The following WDR70 variants were observed in gnomAD, a reference collection of about 807,000 sequenced individuals.
The protein encoded by WDR70 is WD repeat domain 70.
Under a neutral mutation model 88.6 loss-of-function variants are expected in WDR70, and 53 were observed. The ratio of observed to expected loss-of-function variants is 0.60; its 90% CI spans 0.48 to 0.75. The LOEUF is 0.75. Ranked by LOEUF, WDR70 falls within the 30% of genes least tolerant of loss-of-function variation. The pLI is 0.00. For missense variants in WDR70, 610 were observed against 823.2 expected, an observed-to-expected ratio of 0.74 and a Z score of 3.17; for synonymous variants, 280 against 270.0, an observed-to-expected ratio of 1.04 and a Z score of -0.36.
chr5:37,618,404 A>C (rs1179063214), intron 10 of WDR70, among the ~76,000 whole-genome samples: 1 of 152,132 alleles, frequency 6.6e-6, no homozygotes, highest in East Asian at 1.9e-4. Flanking sequence ...AGACCTGCTC[A>C]GTTGCCCAGG....
chr5:37,452,202 C>A (rs1252473088), intron 7 of WDR70, among the ~76,000 whole-genome samples: 4 of 151,810 alleles, frequency 2.6e-5, no homozygotes, highest in Non-Finnish European at 5.9e-5. Context: ...TCAGCTGATA[C>A]CTGTTGAATA....
chr5:37,447,892 A>T (rs1738552755), intron 7 of WDR70, among the ~76,000 whole-genome samples: 1 of 152,220 alleles, frequency 6.6e-6, no homozygotes, highest in Admixed American at 6.5e-5. Context: ...CATATGTAAC[A>T]AACCTGCACG....
At chr5:37,552,931 C>A (rs1215367387) in intron 9 of WDR70, among the ~76,000 whole-genome samples, 2 of 152,172 alleles carry the variant, frequency 1.3e-5, no homozygotes, top group African/African-American at 4.8e-5. Flanking sequence ...CCCTAATTGT[C>A]AAGAGACACA....
At chr5:37,416,529 A>C (rs1331696792) in intron 5 of WDR70, among the ~76,000 whole-genome samples, 1 of 147,074 alleles carries the variant, frequency 6.8e-6, no homozygotes, top group Admixed American at 6.7e-5. Context: ...TCGTGGGGAG[A>C]GGGAGAGGGA....
At chr5:37,623,188 A>G (rs1744564340) in intron 10 of WDR70, among the ~76,000 whole-genome samples, 1 of 152,144 alleles carries the variant, frequency 6.6e-6, no homozygotes, top group African/African-American at 2.4e-5. Flanking sequence ...ATTCACTGCT[A>G]TTTAATGTTA....
At chr5:37,475,349 C>T (rs1312933771) in intron 7 of WDR70, among the ~76,000 whole-genome samples, 1 of 152,172 alleles carries the variant, frequency 6.6e-6, no homozygotes, top group Non-Finnish European at 1.5e-5. Flanking sequence ...ATTCTCCTGC[C>T]TCAGCCTCCC....
intron 10 of WDR70, among the ~76,000 whole-genome samples, chr5:37,633,624 T>C (rs1744877618): frequency 6.6e-6 from 1 of 152,104 alleles, no homozygotes; most frequent in Non-Finnish European, 1.5e-5. Flanking sequence ...CTAAAGATAC[T>C]TGAATGGAGC....
At chr5:37,692,255 C>G (rs1016599674) in intron 10 of WDR70, among the ~76,000 whole-genome samples, 3 of 152,020 alleles carry the variant, frequency 2.0e-5, no homozygotes, top group African/African-American at 7.3e-5. Flanking sequence ...AGTGCAGGAC[C>G]AGATGGATTC....
intron 9 of WDR70, among the ~76,000 whole-genome samples, chr5:37,522,904 G>A (rs1371212879): frequency 6.6e-6 from 1 of 152,226 alleles, no homozygotes; most frequent in Admixed American, 6.5e-5. Context: ...GTCTGAGATC[G>A]AACTGCAAGG....
At chr5:37,430,152 T>C (rs1029108405) in intron 5 of WDR70, among the ~76,000 whole-genome samples, 1 of 152,216 alleles carries the variant, frequency 6.6e-6, no homozygotes, top group Non-Finnish European at 1.5e-5. Flanking sequence ...GTTTTATTTG[T>C]GAACTTTCCA....
At chr5:37,590,755 C>T (rs1743509609) in intron 9 of WDR70, among the ~76,000 whole-genome samples, 1 of 152,046 alleles carries the variant, frequency 6.6e-6, no homozygotes, top group Non-Finnish European at 1.5e-5. Context: ...AGGGATTCTA[C>T]CCAGTTCCTC....
intron 9 of WDR70, among the ~76,000 whole-genome samples, chr5:37,568,650 T>C (rs1436385216): frequency 6.6e-6 from 1 of 152,232 alleles, no homozygotes; most frequent in East Asian, 1.9e-4. Flanking sequence ...ATGAGAATCA[T>C]AATTGTGAAT....
At chr5:37,494,448 G>C (rs753759028) in intron 8 of WDR70, among the ~76,000 whole-genome samples, 3 of 152,144 alleles carry the variant, frequency 2.0e-5, no homozygotes, top group Non-Finnish European at 4.4e-5. Context: ...GATGGACTAC[G>C]GTGACTGTGG....
intron 10 of WDR70, among the ~76,000 whole-genome samples, chr5:37,645,762 G>A (rs775740788): frequency 3.3e-5 from 5 of 151,854 alleles, no homozygotes; most frequent in African/African-American, 1.2e-4. Flanking sequence ...TCATGAAATC[G>A]ATTTTGTCTG....
intron 8 of WDR70, among the ~76,000 whole-genome samples, chr5:37,483,707 G>A (rs1277248520): frequency 5.3e-5 from 8 of 151,278 alleles, no homozygotes; most frequent in South Asian, 2.1e-4. Flanking sequence ...CCTCCCAGAC[G>A]GGGCGGTGGC....
At chr5:37,515,801 A>G (rs1289807930) in intron 8 of WDR70, among the ~76,000 whole-genome samples, 1 of 152,200 alleles carries the variant, frequency 6.6e-6, no homozygotes, top group Admixed American at 6.5e-5. Context: ...GCTGTATGAG[A>G]CCACTCTAGC....
chr5:37,417,658 C>A (rs754750594), intron 5 of WDR70, among the ~76,000 whole-genome samples: 1 of 152,024 alleles, frequency 6.6e-6, no homozygotes, highest in African/African-American at 2.4e-5. Flanking sequence ...CCTGTCTCAG[C>A]CTTCTGAGTG....
intron 10 of WDR70, among the ~76,000 whole-genome samples, chr5:37,643,958 A>C (rs1745168433): frequency 6.6e-6 from 1 of 151,914 alleles, no homozygotes; most frequent in Non-Finnish European, 1.5e-5. Flanking sequence ...CTTCCTTTCC[A>C]ATTTGGATGT....
At chr5:37,712,536 T>C (rs951384325) in intron 13 of WDR70, among the ~76,000 whole-genome samples, 8 of 152,208 alleles carry the variant, frequency 5.3e-5, no homozygotes, top group African/African-American at 1.7e-4. Context: ...TTGTAAAATA[T>C]ACTCTGTGCT....
Sources: allele counts gnomAD v4.1 joint callset (sites outside exome capture counted in the v4.1 genomes callset), GRCh38; gene constraint gnomAD v4.1.1; transcripts MANE v1.5; gene names NCBI Gene and HGNC (gene_info 2026-07-23, HGNC 2026-07-21).